CD84: variants seen among roughly 807,000 people sequenced by gnomAD.
CD84 encodes the protein SLAM family member 5.
CD84 carries 22 observed loss-of-function variants against 33.8 expected under a neutral mutation model. That is an observed-to-expected ratio of 0.65 (90% confidence interval 0.46 to 0.93). The LOEUF (loss-of-function observed/expected upper bound fraction) is 0.93, where lower values mean the gene tolerates loss of function less well. Ranked by LOEUF, CD84 falls within the 40% of genes least tolerant of loss-of-function variation. The probability of loss-of-function intolerance (pLI) is 0.00; values close to 1 mark genes in which losing one functional copy is unlikely to be tolerated. For missense variants in CD84, 400 were observed against 397.6 expected (o/e 1.01, Z -0.05); for synonymous variants, 154 against 145.2 (o/e 1.06, Z -0.44).
chr1:160,565,186 G>A (rs1657241042), intron 2 of CD84, among the ~76,000 whole-genome samples: 1 of 137,380 alleles, frequency 7.3e-6, no homozygotes, highest in Non-Finnish European at 1.6e-5. Context: ...AGGCCCAGGG[G>A]ACCAACTACT....
intron 1 of CD84, among the ~76,000 whole-genome samples, chr1:160,575,396 C>A (rs1657935528): frequency 6.6e-6 from 1 of 151,942 alleles, no homozygotes; most frequent in Non-Finnish European, 1.5e-5. Flanking sequence ...GAAAAAGGAA[C>A]CTACTACCCC....
chr1:160,578,809 A>T (rs1036522256), intron 1 of CD84, among the ~76,000 whole-genome samples: 1 of 152,142 alleles, frequency 6.6e-6, no homozygotes, highest in Non-Finnish European at 1.5e-5. Context: ...TTTTGAGACT[A>T]TTTGTAAAAA....
At chr1:160,577,411 A>G (rs1658045707) in intron 1 of CD84, among the ~76,000 whole-genome samples, 1 of 152,238 alleles carries the variant, frequency 6.6e-6, no homozygotes, top group Non-Finnish European at 1.5e-5. Flanking sequence ...AGGCAAACAG[A>G]TAATTCAGTA....
chr1:160,565,603 T>TCA lies in CD84; in HGVS notation c.188_189insTG (p.Thr64GlufsTer11). ...GTGCTGTTTCTGAGTCTCCTGGTGT[T>TCA]ACATAAGCAACAGATGTTTTAGAAG... On this transcript the variant is annotated frameshift_variant, in exon 2 of 7. Coordinates refer to ENST00000368054, the MANE Select transcript of CD84 (RefSeq NM_003874.4). LOFTEE classifies it high-confidence loss of function. The TCA allele has an allele frequency of 6.2e-7, 1 of 1,614,016 alleles. No individual in the cohort carries two copies. The highest frequency in any genetic ancestry group is 8.5e-7 in the Non-Finnish European group (1 of 1,179,914).
intron 2 of CD84, 87 bp from the exon 3 acceptor site, chr1:160,554,233 T>A (rs1397835188): frequency 7.8e-7 from 1 of 1,288,374 alleles, no homozygotes; most frequent in African/African-American, 1.5e-5. Context: ...CTCAGAAATT[T>A]GCAAGCCATC....
At position 160,541,840 on chromosome 1, in the gene CD84, C is replaced by G. The variant is rs1478222108; in HGVS notation, c.*6416G>C. The G allele has an allele frequency of 6.6e-6, 1 of 152,152 alleles. No individual in the cohort carries two copies. Among genetic ancestry groups the G allele is most frequent in the Admixed American group, 6.5e-5 (1 of 15,276 alleles). 9.4% of individuals were successfully genotyped at this position (152,152 alleles called of 1,614,324 possible). On this transcript the variant is annotated 3_prime_UTR_variant, in exon 7 of 7. Coordinates refer to ENST00000368054, the MANE Select transcript of CD84 (RefSeq NM_003874.4). ...AGATCCTCATTTTAGAAAGATTGCT[C>G]TTTATGTAATAGCAACCCAGGTAAC...
intron 2 of CD84, among the ~76,000 whole-genome samples, chr1:160,563,951 A>T (rs1261203598): frequency 6.6e-6 from 1 of 152,060 alleles, no homozygotes; most frequent in East Asian, 1.9e-4. Context: ...AAACTTTGGC[A>T]CAGGTGGGAA....
chr1:160,560,817 T>C (rs79431892), intron 2 of CD84, among the ~76,000 whole-genome samples: 7,586 of 152,016 alleles, frequency 0.05, 644 homozygotes, highest in African/African-American at 0.17. Flanking sequence ...GGGGATATCA[T>C]CACTGACCCC....
intron 4 of CD84, among the ~76,000 whole-genome samples, chr1:160,552,405 T>C (rs1006427730): frequency 6.6e-6 from 1 of 152,204 alleles, no homozygotes. Flanking sequence ...GTTATCAGTA[T>C]ACTAGCTAAC....
rs1048584584 is a variant in CD84, at chr1:160,562,795, T to C, written c.388+2609A>G. Among the ~76,000 whole-genome samples the C allele has an allele frequency of 6.6e-5, 10 of 151,966 alleles. No homozygotes were observed. The East Asian group carries it at 1.7e-3, about 26-fold the overall frequency. Reference sequence around the variant, plus strand: ...CAGAGTGAACAAACAACCTACAGAATGGGAGAAAATTTTTCCAGTCTATCC... The same window carrying C: ...CAGAGTGAACAAACAACCTACAGAACGGGAGAAAATTTTTCCAGTCTATCC... On this transcript the variant is annotated intron_variant, in intron 2 of 6. Coordinates refer to ENST00000368054, the MANE Select transcript of CD84 (RefSeq NM_003874.4).
intron 1 of CD84, among the ~76,000 whole-genome samples, chr1:160,577,114 T>G (rs1658032177): frequency 6.6e-6 from 1 of 152,182 alleles, no homozygotes; most frequent in African/African-American, 2.4e-5. Flanking sequence ...AGCATAAGAC[T>G]GTGAATTTTG....
In CD84 at chr1:160,543,151, C is replaced by T. The variant is rs1373522247; in HGVS notation, c.*5105G>A. The T allele has an allele frequency of 2.6e-5, 4 of 152,102 alleles. No individual in the cohort carries two copies. The highest frequency in any genetic ancestry group is 5.9e-5 in the Non-Finnish European group (4 of 68,020). 9.4% of individuals were successfully genotyped at this position (152,102 alleles called of 1,614,324 possible). ...TCAGCAGGAAAGTTGAGTGGTTATCCAGATAGCAATGGAATTAATATATTA... is the reference window on the plus strand; with the variant it reads ...TCAGCAGGAAAGTTGAGTGGTTATCTAGATAGCAATGGAATTAATATATTA... On this transcript the variant is annotated 3_prime_UTR_variant, in exon 7 of 7. Coordinates refer to ENST00000368054, the MANE Select transcript of CD84 (RefSeq NM_003874.4).
chr1:160,568,868 G>A lies in CD84; in HGVS notation c.47-3123C>T, dbSNP rs148537186. 2.5e-3 allele frequency among the ~76,000 whole-genome samples: 374 copies of A among 152,188 alleles called. 2 individuals are homozygous for A. The highest frequency in any genetic ancestry group is 8.1e-3 in the African/African-American group (336 of 41,538). Reference sequence around the variant, plus strand: ...ACTCCTGACCTCAAATGCTCTGCCCGCCTCAGCCTCCCAAAATGCTGGGAT... The same window carrying A: ...ACTCCTGACCTCAAATGCTCTGCCCACCTCAGCCTCCCAAAATGCTGGGAT... On this transcript the variant is annotated intron_variant, in intron 1 of 6. Transcript: ENST00000368054.
chr1:160,573,590 T>G (rs1294921100), intron 1 of CD84, among the ~76,000 whole-genome samples: 1 of 152,146 alleles, frequency 6.6e-6, no homozygotes, highest in Non-Finnish European at 1.5e-5. Flanking sequence ...CCCACTTTGT[T>G]CAGGGTTTTC....
At chr1:160,562,420 C>T (rs995722877) in intron 2 of CD84, among the ~76,000 whole-genome samples, 2 of 152,010 alleles carry the variant, frequency 1.3e-5, no homozygotes, top group Non-Finnish European at 2.9e-5. Flanking sequence ...AAAATAAGAC[C>T]ACACACCAGC....
chr1:160,563,973 T>C (rs1260595740), intron 2 of CD84, among the ~76,000 whole-genome samples: 1 of 152,002 alleles, frequency 6.6e-6, no homozygotes, highest in Non-Finnish European at 1.5e-5. Context: ...AATCCAGAGA[T>C]AACATTAAAC....
chr1:160,543,776 T>A lies in CD84; in HGVS notation c.*4480A>T. ...GGAGGGATGAGAGTTAAAAGTTTGA[T>A]ATACAACATTAATTTTGCATAATAC... On this transcript the variant is annotated 3_prime_UTR_variant, in exon 7 of 7. Transcript: ENST00000368054. 1 of 152,136 alleles carries A rather than the reference T, an allele frequency of 6.6e-6. No individual in the cohort carries two copies. Among genetic ancestry groups the A allele is most frequent in the East Asian group, 1.9e-4 (1 of 5,192 alleles). The allele number at this position is 152,136 out of a possible 1,614,324, so 9.4% of individuals were successfully genotyped here.
At chr1:160,550,588 G>C in intron 5 of CD84, 3 of 979,672 alleles carry the variant, frequency 3.1e-6, no homozygotes, top group Non-Finnish European at 2.4e-6. Flanking sequence ...TCACCACGTT[G>C]GTAGTCACAT....
In CD84 at chr1:160,572,986, C is replaced by T. The variant is rs140006941; in HGVS notation, c.46+6406G>A. ...CTGGATTGGGCTGGGGCACCCTTCC[C>T]AATGCAATACACCTTTCTGTGTCTA... On this transcript the variant is annotated intron_variant, in intron 1 of 6. Transcript: ENST00000368054. Among the ~76,000 whole-genome samples, 1,131 of 152,186 alleles carry T rather than the reference C, an allele frequency of 7.4e-3. 4 individuals carry two copies. Among genetic ancestry groups the T allele is most frequent in the Non-Finnish European group, 0.012 (817 of 67,998 alleles).
Sources: gnomAD v4.1 joint callset for allele counts (sites outside exome capture counted in the v4.1 genomes callset) on GRCh38, gnomAD v4.1.1 for gene constraint, MANE v1.5 for transcripts, NCBI Gene and HGNC (gene_info 2026-07-23, HGNC 2026-07-21) for gene names.